The following ARHGEF3 variants were observed in gnomAD, a reference collection of about 807,000 sequenced individuals.
ARHGEF3 encodes the protein 59.8 kDA protein.
A neutral mutation model predicts 63.2 loss-of-function variants in ARHGEF3; 28 were observed. The observed-to-expected ratio is 0.44, with a 90% CI of 0.33 to 0.61. The LOEUF (loss-of-function observed/expected upper bound fraction) is 0.61, where lower values mean the gene tolerates loss of function less well. Ranked by LOEUF, ARHGEF3 falls within the 20% of genes least tolerant of loss-of-function variation. The pLI, the probability that ARHGEF3 is intolerant of heterozygous loss-of-function variation, is 0.03. For missense variants in ARHGEF3, 533 were observed against 659.3 expected (o/e 0.81, Z 2.10); for synonymous variants, 266 against 254.2 (o/e 1.05, Z -0.44).
At chr3:56,947,931 T>C (rs1699600773) in intron 3 of ARHGEF3, among the ~76,000 whole-genome samples, 1 of 152,174 alleles carries the variant, frequency 6.6e-6, no homozygotes, top group South Asian at 2.1e-4. Context: ...AAACTGTCTC[T>C]CAGACCACAG....
chr3:57,068,675 G>C (rs1705701474), intron 1 of ARHGEF3, among the ~76,000 whole-genome samples: 1 of 152,220 alleles, frequency 6.6e-6, no homozygotes, highest in Non-Finnish European at 1.5e-5. Context: ...GTGTCATAGA[G>C]ATAGGTCACA....
intron 1 of ARHGEF3, among the ~76,000 whole-genome samples, chr3:57,070,982 AAAAAAG>A (rs1232701570): frequency 8.7e-5 from 13 of 149,794 alleles, no homozygotes; most frequent in African/African-American, 2.4e-4. Flanking sequence ...AAAAAAAAAA[AAAAAAG>A]AAAGAAAGAA....
At chr3:56,900,026 C>T (rs935898067) in intron 3 of ARHGEF3, among the ~76,000 whole-genome samples, 2 of 152,128 alleles carry the variant, frequency 1.3e-5, no homozygotes, top group East Asian at 1.9e-4. Context: ...CTTCCTTCCC[C>T]TTTTTGGGAG....
At chr3:56,761,790 C>T (rs548687280) in intron 2 of ARHGEF3, among the ~76,000 whole-genome samples, 24 of 152,148 alleles carry the variant, frequency 1.6e-4, no homozygotes, top group East Asian at 1.2e-3. Context: ...ATTTAAAACC[C>T]GGTGGTAAGG....
intron 3 of ARHGEF3, among the ~76,000 whole-genome samples, chr3:56,943,289 TG>T (rs1294426295): frequency 1.3e-5 from 2 of 152,212 alleles, no homozygotes. Context: ...CAATGCTCAT[TG>T]ACCATTCTGA....
chr3:56,862,389 C>T (rs967461836), intron 4 of ARHGEF3, among the ~76,000 whole-genome samples: 2 of 152,230 alleles, frequency 1.3e-5, no homozygotes, highest in Non-Finnish European at 2.9e-5. Context: ...AATCCCTGCT[C>T]TTGTTCCAAT....
At chr3:56,988,380 C>A (rs1461192933) in intron 2 of ARHGEF3, among the ~76,000 whole-genome samples, 1 of 152,158 alleles carries the variant, frequency 6.6e-6, no homozygotes, top group African/African-American at 2.4e-5. Flanking sequence ...AACTCCTAAT[C>A]TCGTGATCCA....
At chr3:56,969,529 T>C (rs1163497878) in intron 2 of ARHGEF3, among the ~76,000 whole-genome samples, 3 of 151,804 alleles carry the variant, frequency 2.0e-5, no homozygotes, top group African/African-American at 7.3e-5. Flanking sequence ...TCCCAGCACT[T>C]TGGGAGGTCG....
intron 4 of ARHGEF3, among the ~76,000 whole-genome samples, chr3:56,853,474 T>G (rs2039747640): frequency 3.3e-5 from 5 of 152,138 alleles, no homozygotes; most frequent in Admixed American, 2.6e-4. Context: ...GTAGCTGGGA[T>G]TACAGGCATG....
chr3:56,795,396 T>C (rs2037299765), intron 1 of ARHGEF3, among the ~76,000 whole-genome samples: 1 of 152,146 alleles, frequency 6.6e-6, no homozygotes, highest in Non-Finnish European at 1.5e-5. Flanking sequence ...AAAGAGCCTG[T>C]TTTGCTACTC....
intron 9 of ARHGEF3, among the ~76,000 whole-genome samples, chr3:56,731,346 C>T (rs2033142500): frequency 6.6e-6 from 1 of 152,176 alleles, no homozygotes; most frequent in Admixed American, 6.5e-5. Flanking sequence ...GCCTGGCCAA[C>T]ATGGCAAAAC....
Position 56,741,107 on chromosome 3 carries a change from C to T in ARHGEF3, c.871-3752G>A, listed in dbSNP as rs184467962. Among the ~76,000 whole-genome samples, 364 of 151,494 alleles carry T rather than the reference C, an allele frequency of 2.4e-3. 1 individual carries two copies. The highest frequency in any genetic ancestry group is 8.0e-3 in the African/African-American group (331 of 41,244). On this transcript the variant is annotated intron_variant, in intron 7 of 9. Coordinates refer to ENST00000296315, the MANE Select transcript of ARHGEF3 (RefSeq NM_019555.3). ...ATTTATAATAGTAACTCTGGGTCTG[C>T]TTTCATTTATTAAAAATAATGTTTT...
At chr3:56,881,274 G>C (rs143027183) in intron 4 of ARHGEF3, among the ~76,000 whole-genome samples, 1 of 152,318 alleles carries the variant, frequency 6.6e-6, no homozygotes, top group African/African-American at 2.4e-5. Flanking sequence ...AGCATGGAAG[G>C]CTTCTCATCT....
At chr3:57,007,471 C>A in intron 2 of ARHGEF3, 1 of 888,646 alleles carries the variant, frequency 1.1e-6, no homozygotes. Flanking sequence ...AACAGGCAGG[C>A]ATCTTGGTTT....
chr3:56,744,671 GC>G (rs2107732057), intron 7 of ARHGEF3, among the ~76,000 whole-genome samples: 1 of 151,944 alleles, frequency 6.6e-6, no homozygotes, highest in African/African-American at 2.4e-5. Context: ...CTCCCAAAGT[GC>G]TGGGATTACA....
chr3:56,874,995 A>C (rs569103534), intron 4 of ARHGEF3, among the ~76,000 whole-genome samples: 14 of 152,324 alleles, frequency 9.2e-5, no homozygotes, highest in African/African-American at 3.4e-4. Context: ...AGCCTGCTAT[A>C]GTATGCTATT....
chr3:56,858,165 GC>G (rs1487351353), intron 4 of ARHGEF3, among the ~76,000 whole-genome samples: 3 of 149,072 alleles, frequency 2.0e-5, no homozygotes, highest in Non-Finnish European at 3.0e-5. Context: ...GATCGCTTGA[GC>G]CTGGGAGGTG....
intron 1 of ARHGEF3, among the ~76,000 whole-genome samples, chr3:57,062,037 C>G (rs1156714827): frequency 6.6e-6 from 1 of 151,992 alleles, no homozygotes; most frequent in Non-Finnish European, 1.5e-5. Context: ...GACTAAGGAT[C>G]AAGTAAAAAA....
At chr3:56,823,323 G>T (rs1336858964) in intron 4 of ARHGEF3, among the ~76,000 whole-genome samples, 1 of 152,166 alleles carries the variant, frequency 6.6e-6, no homozygotes, top group African/African-American at 2.4e-5. Flanking sequence ...CCTCTCACAG[G>T]TCATTTGTTA....
Sources: gnomAD v4.1 joint callset for allele counts (sites outside exome capture counted in the v4.1 genomes callset) on GRCh38, gnomAD v4.1.1 for gene constraint, MANE v1.5 for transcripts, NCBI Gene and HGNC (gene_info 2026-07-23, HGNC 2026-07-21) for gene names.